The following CADPS2 variants were observed in gnomAD, a reference collection of about 807,000 sequenced individuals.
CADPS2 encodes calcium dependent secretion activator 2, also known as calcium-dependent secretion activator 2.
Under a neutral mutation model 172.5 loss-of-function variants are expected in CADPS2, and 93 were observed. That is an observed-to-expected ratio of 0.54 (90% confidence interval 0.46 to 0.64). CADPS2 has a LOEUF of 0.64. Ranked by LOEUF, CADPS2 falls within the 30% of genes least tolerant of loss-of-function variation. The pLI is 0.00. For missense variants in CADPS2, 1,420 were observed against 1,565.9 expected (o/e 0.91, Z 1.57); for synonymous variants, 546 against 555.2 (o/e 0.98, Z 0.23).
At chr7:122,745,703 G>A (rs1486868635) in intron 1 of CADPS2, among the ~76,000 whole-genome samples, 1 of 151,312 alleles carries the variant, frequency 6.6e-6, no homozygotes, top group East Asian at 2.0e-4. Context: ...AATGAAGTAA[G>A]GGAAAGCAAA....
chr7:122,766,011 C>A (rs892096393), intron 1 of CADPS2, among the ~76,000 whole-genome samples: 1 of 152,062 alleles, frequency 6.6e-6, no homozygotes, highest in African/African-American at 2.4e-5. Flanking sequence ...TCTTGTGATT[C>A]TGGAGGTTGG....
intron 7 of CADPS2, among the ~76,000 whole-genome samples, chr7:122,559,757 C>A (rs1196130575): frequency 1.6e-4 from 19 of 121,166 alleles, no homozygotes; most frequent in South Asian, 5.1e-4. Context: ...GGTGACAGTG[C>A]GAGACTCCAC....
At chr7:122,863,385 A>T (rs1344068141) in intron 1 of CADPS2, among the ~76,000 whole-genome samples, 4 of 152,236 alleles carry the variant, frequency 2.6e-5, no homozygotes, top group Admixed American at 1.3e-4. Context: ...ATGAAGAACA[A>T]TTATTCATCA....
intron 2 of CADPS2, among the ~76,000 whole-genome samples, chr7:122,705,404 G>A (rs1354848219): frequency 1.4e-5 from 2 of 141,292 alleles, no homozygotes; most frequent in South Asian, 2.1e-4. Context: ...ACAGAGAATT[G>A]AAATATATTA....
chr7:122,595,189 C>T (rs2071561073), intron 6 of CADPS2, among the ~76,000 whole-genome samples: 1 of 150,850 alleles, frequency 6.6e-6, no homozygotes, highest in South Asian at 2.1e-4. Context: ...TCAAATGTAA[C>T]ATAATTAATA....
chr7:122,621,714 T>C lies in CADPS2; in HGVS notation c.871A>G (p.Arg291Gly), dbSNP rs1245626847. 2 of 1,542,540 alleles carry C rather than the reference T, an allele frequency of 1.3e-6. No individual in the cohort carries two copies. Among genetic ancestry groups the C allele is most frequent in the South Asian group, 2.4e-5 (2 of 84,094 alleles). The change falls in exon 5 of 30, where the codon AGA becomes GGA. Residue 291 changes from arginine to glycine, a missense_variant. Transcript: ENST00000449022. ...LQLADKMAKE[R>G]KFPKFIAKDM... The stretch of plus-strand genomic sequence containing the variant: ...TTTGCTATAAATTTGGGGAATTTTC[T>C]TTCCTTGAAAATAATTTTTAAAATA...
In CADPS2 at chr7:122,721,358, T is replaced by G. The variant is rs566532242; in HGVS notation, c.453+15597A>C. ...CGCAATAAAAATGATAAAGGGGATA[T>G]CCCCACCGATCCCACAGAAATACAA... is the stretch of plus-strand genomic sequence containing the variant. On this transcript the variant is annotated intron_variant, in intron 2 of 29. Coordinates refer to ENST00000449022, the MANE Select transcript of CADPS2 (RefSeq NM_017954.11). Among the ~76,000 whole-genome samples the G allele has an allele frequency of 3.9e-5, 6 of 151,972 alleles. No individual in the cohort carries two copies. In the East Asian group the frequency reaches 1.2e-3, roughly 30 times the overall value.
chr7:122,805,206 C>G lies in CADPS2; in HGVS notation c.340-68138G>C, dbSNP rs577191123. ...GAAGGATTCTTGCTCTGTCGCCAGGCTGGAGTGCAGTGGCACTATCTCGGC... is the reference window on the plus strand; with the variant it reads ...GAAGGATTCTTGCTCTGTCGCCAGGGTGGAGTGCAGTGGCACTATCTCGGC... On this transcript the variant is annotated intron_variant, in intron 1 of 29. Coordinates refer to ENST00000449022, the MANE Select transcript of CADPS2 (RefSeq NM_017954.11). Among the ~76,000 whole-genome samples the G allele has an allele frequency of 3.3e-5, 5 of 152,284 alleles. No homozygotes were observed. In the East Asian group the frequency reaches 9.7e-4, roughly 29 times the overall value.
At chr7:122,630,040 T>G (rs2076428078) in intron 3 of CADPS2, among the ~76,000 whole-genome samples, 1 of 152,190 alleles carries the variant, frequency 6.6e-6, no homozygotes, top group African/African-American at 2.4e-5. Flanking sequence ...ATGATACCTT[T>G]TCACCCATTC....
At chr7:122,656,452 G>A (rs547681431) in intron 3 of CADPS2, among the ~76,000 whole-genome samples, 3 of 152,196 alleles carry the variant, frequency 2.0e-5, no homozygotes, top group East Asian at 3.9e-4. Flanking sequence ...GAGAACAGGA[G>A]ACAGGACTTC....
At chr7:122,607,977 G>A (rs1047951557) in intron 6 of CADPS2, among the ~76,000 whole-genome samples, 1 of 152,130 alleles carries the variant, frequency 6.6e-6, no homozygotes, top group African/African-American at 2.4e-5. Flanking sequence ...CCAGCACTTT[G>A]GGAGGGCGAG....
At chr7:122,512,172 A>G (rs1048027287) in intron 9 of CADPS2, among the ~76,000 whole-genome samples, 1 of 152,132 alleles carries the variant, frequency 6.6e-6, no homozygotes, top group Non-Finnish European at 1.5e-5. Context: ...TCATGGAGTT[A>G]CCAGGCTATC....
At chr7:122,570,329 T>C (rs1271748633) in intron 7 of CADPS2, among the ~76,000 whole-genome samples, 2 of 151,962 alleles carry the variant, frequency 1.3e-5, no homozygotes, top group Non-Finnish European at 2.9e-5. Flanking sequence ...AAAACCACAA[T>C]GAGATACCAT....
chr7:122,413,963 G>T, intron 19 of CADPS2, 105 bp downstream of exon 19: 1 of 917,906 alleles, frequency 1.1e-6, no homozygotes, highest in Non-Finnish European at 1.7e-6. Context: ...TCAAAGAAAG[G>T]ACTAATTGGC....
chr7:122,507,078 AAAT>A (rs752352333), intron 9 of CADPS2, among the ~76,000 whole-genome samples: 25 of 152,228 alleles, frequency 1.6e-4, no homozygotes, highest in South Asian at 4.2e-4. Flanking sequence ...ATAACAACAA[AAAT>A]AATAATAATA....
intron 28 of CADPS2, among the ~76,000 whole-genome samples, chr7:122,337,068 C>T (rs1195076206): frequency 6.6e-6 from 1 of 152,150 alleles, no homozygotes; most frequent in Non-Finnish European, 1.5e-5. Context: ...TCAGAAATGT[C>T]AGAGCTGCAA....
At position 122,663,313 on chromosome 7, in the gene CADPS2, T is replaced by C. The variant is rs763466758; in HGVS notation, c.710A>G (p.Glu237Gly). Reference sequence around the variant, plus strand: ...CTGCTGAAACATTTCATAGAGTTGTTCCTTGCTCAGAATAAGTTCAGACAC... The same window carrying C: ...CTGCTGAAACATTTCATAGAGTTGTCCCTTGCTCAGAATAAGTTCAGACAC... ...SAVSELILSK[E>G]QLYEMFQQIL... The change falls in exon 3 of 30, where the codon GAA (glutamate) becomes GGA (glycine). Residue 237 changes from glutamate to glycine, a missense_variant. Coordinates refer to ENST00000449022, the MANE Select transcript of CADPS2 (RefSeq NM_017954.11). 6.2e-7 allele frequency: 1 copy of C among 1,613,954 alleles called. No homozygotes were observed. The highest frequency in any genetic ancestry group is 8.5e-7 in the Non-Finnish European group (1 of 1,179,870).
chr7:122,393,169 A>G lies in CADPS2; in HGVS notation c.3008+27T>C, dbSNP rs758178978. The G allele has an allele frequency of 6.8e-6, 11 of 1,610,376 alleles. No individual in the cohort carries two copies. In the South Asian group the frequency reaches 1.1e-4, roughly 16 times the overall value. On this transcript the variant is annotated intron_variant, in intron 22 of 29. Transcript: ENST00000449022. ...CAGGCCATGCACCAGCTAACACACCACCAGGAAATAAGTGAGGAATACACA... is the reference window on the plus strand; with the variant it reads ...CAGGCCATGCACCAGCTAACACACCGCCAGGAAATAAGTGAGGAATACACA...
intron 28 of CADPS2, among the ~76,000 whole-genome samples, chr7:122,333,916 T>C (rs1585072034): frequency 6.6e-6 from 1 of 150,968 alleles, no homozygotes; most frequent in Admixed American, 6.6e-5. Context: ...ATATCTATAA[T>C]AGCAGACAGG....
Sources: allele counts gnomAD v4.1 joint callset (sites outside exome capture counted in the v4.1 genomes callset), GRCh38; gene constraint gnomAD v4.1.1; transcripts MANE v1.5; gene names NCBI Gene and HGNC (gene_info 2026-07-23, HGNC 2026-07-21).